FLNB: variants seen among roughly 807,000 people sequenced by gnomAD.
FLNB encodes the protein filamin-B.
FLNB carries 111 observed loss-of-function variants against 250.6 expected under a neutral mutation model. The ratio of observed to expected loss-of-function variants is 0.44; its 90% CI spans 0.38 to 0.52. FLNB has a LOEUF of 0.52. Ranked by LOEUF, FLNB falls within the 20% of genes least tolerant of loss-of-function variation. FLNB has a pLI of 0.00. For synonymous variants in FLNB, 1,302 were observed against 1,372.1 expected (o/e 0.95, Z 1.13); for missense variants, 2,869 against 3,447.8 (o/e 0.83, Z 4.20).
intron 1 of FLNB, among the ~76,000 whole-genome samples, chr3:58,065,265 C>G (rs2097183904): frequency 6.6e-6 from 1 of 152,216 alleles, no homozygotes; most frequent in African/African-American, 2.4e-5. Context: ...GGCAGAGAAG[C>G]CTGGCTTACC....
At chr3:58,070,193 G>A (rs7638392) in intron 1 of FLNB, among the ~76,000 whole-genome samples, 9,296 of 151,680 alleles carry the variant, frequency 0.061, 944 homozygotes, top group African/African-American at 0.21. Flanking sequence ...GATTACAGGC[G>A]CCTGCCATTA....
At chr3:58,100,373 A>AATATATATATATAT (rs1553696177) in intron 8 of FLNB, among the ~76,000 whole-genome samples, 1 of 104,344 alleles carries the variant, frequency 9.6e-6, no homozygotes, top group African/African-American at 4.6e-5. Flanking sequence ...GTAAAAAAAA[A>AATATATATATATAT]ATATATATAT....
intron 26 of FLNB, among the ~76,000 whole-genome samples, chr3:58,134,325 A>G (rs2097312629): frequency 1.3e-5 from 2 of 152,146 alleles, no homozygotes; most frequent in African/African-American, 2.4e-5. Context: ...TTTATCCTGA[A>G]AGCATTCCCC....
At chr3:58,150,300 C>A in intron 38 of FLNB, 73 bp downstream of exon 38, 2 of 1,560,578 alleles carry the variant, frequency 1.3e-6, no homozygotes, top group Non-Finnish European at 1.8e-6. Context: ...CTTTGGGAAC[C>A]AAGTTTAGGC....
intron 22 of FLNB, 53 bp downstream of exon 22, chr3:58,124,558 T>C (rs1325191593): frequency 6.3e-7 from 1 of 1,593,122 alleles, no homozygotes; most frequent in African/African-American, 1.3e-5. Context: ...CCCTTGGTCA[T>C]TGCCTCCTGG....
chr3:58,057,008 C>G (rs760835492), intron 1 of FLNB, among the ~76,000 whole-genome samples: 16 of 152,056 alleles, frequency 1.1e-4, no homozygotes, highest in Admixed American at 2.6e-4. Flanking sequence ...GAGGTGAGGT[C>G]TCTCTTTGTT....
At chr3:58,064,354 A>G (rs1455360250) in intron 1 of FLNB, among the ~76,000 whole-genome samples, 3 of 152,046 alleles carry the variant, frequency 2.0e-5, no homozygotes, top group Non-Finnish European at 4.4e-5. Flanking sequence ...GCTGGTCTCA[A>G]ACTCCTGAGT....
chr3:58,095,388 T>G (rs907485667), intron 5 of FLNB, among the ~76,000 whole-genome samples: 1 of 152,266 alleles, frequency 6.6e-6, no homozygotes. Flanking sequence ...CCCAAGTAAC[T>G]GGGATTACAG....
chr3:58,064,368 G>A (rs902700648), intron 1 of FLNB, among the ~76,000 whole-genome samples: 2 of 151,990 alleles, frequency 1.3e-5, no homozygotes, highest in African/African-American at 4.8e-5. Context: ...CCTGAGTTTC[G>A]CCAGGCTGGT....
At chr3:58,121,611 T>C in intron 20 of FLNB, 108 bp downstream of exon 20, 1 of 1,440,290 alleles carries the variant, frequency 6.9e-7, no homozygotes, top group Non-Finnish European at 9.7e-7. Context: ...CGTTTTGTGA[T>C]GAAAGTTAGC....
rs896267683 is a variant in FLNB at position 58,155,742 on chromosome 3, T to C, written c.6773-218T>C. Among the ~76,000 whole-genome samples, 12 of 152,308 alleles carry C rather than the reference T, an allele frequency of 7.9e-5. No individual in the cohort carries two copies. The East Asian group carries it at 1.5e-3, about 20-fold the overall frequency. Reference sequence around the variant, plus strand: ...ATCTGCTGAATTCAATACAGGCCATTTGGGGACCCTGTGAGCCCCGGTTAA... The same window carrying C: ...ATCTGCTGAATTCAATACAGGCCATCTGGGGACCCTGTGAGCCCCGGTTAA... On this transcript the variant is annotated intron_variant, in intron 40 of 45. Coordinates refer to ENST00000295956, the MANE Select transcript of FLNB (RefSeq NM_001457.4).
intron 4 of FLNB, among the ~76,000 whole-genome samples, chr3:58,086,862 C>G (rs1396725592): frequency 6.6e-6 from 1 of 152,206 alleles, no homozygotes; most frequent in Non-Finnish European, 1.5e-5. Context: ...CGCCTGTAAT[C>G]CCAGTACTTT....
chr3:58,018,982 AAAATT>A (rs2097109901), intron 1 of FLNB, among the ~76,000 whole-genome samples: 1 of 151,372 alleles, frequency 6.6e-6, no homozygotes, highest in African/African-American at 2.4e-5. Context: ...AAAAAAAAAA[AAAATT>A]ATCTGGATGC....
In FLNB at chr3:58,164,850, C is replaced by T. The variant is rs72884443; in HGVS notation, c.7198+1520C>T. 0.024 allele frequency: 3,605 copies of T among 152,734 alleles called. 146 individuals carry two copies. The highest frequency in any genetic ancestry group is 0.082 in the African/African-American group (3,422 of 41,580). 9.5% of individuals were successfully genotyped at this position (152,734 alleles called of 1,614,324 possible). On this transcript the variant is annotated intron_variant, in intron 43 of 45. Transcript: ENST00000295956. The surrounding 1 kb of genome is among the most constrained non-coding windows in gnomAD (Gnocchi z 4.0). ...CCCCAAACAACACTCCCCCAAAAAGCAGTCAGCTGGGAGGAGGCAGAACCA... is the reference window on the plus strand; with the variant it reads ...CCCCAAACAACACTCCCCCAAAAAGTAGTCAGCTGGGAGGAGGCAGAACCA...
intron 1 of FLNB, among the ~76,000 whole-genome samples, chr3:58,058,323 G>T (rs1281327579): frequency 2.0e-5 from 3 of 152,128 alleles, no homozygotes; most frequent in African/African-American, 4.8e-5. Context: ...ATAATTTGAT[G>T]TTCCAGTTGC....
At chr3:58,063,920 A>G (rs1301485815) in intron 1 of FLNB, among the ~76,000 whole-genome samples, 4 of 151,618 alleles carry the variant, frequency 2.6e-5, no homozygotes, top group Non-Finnish European at 5.9e-5. Context: ...AGGGGAAAAA[A>G]CTCCCAGGAA....
rs1559676664 is a variant in FLNB at position 58,077,310 on chromosome 3, T to C, written c.541+16T>C. On this transcript the variant is annotated intron_variant, in intron 2 of 45. Coordinates refer to ENST00000295956, the MANE Select transcript of FLNB (RefSeq NM_001457.4). ...TGTGCTCCAGGTAAGTGGCCAGGGC[T>C]GCCTAAACCATCTGTCCAGGATGGG... 1.2e-6 allele frequency: 2 copies of C among 1,613,426 alleles called. No homozygotes were observed. The highest frequency in any genetic ancestry group is 1.7e-6 in the Non-Finnish European group (2 of 1,179,708).
At chr3:58,047,676 C>CCTTA (rs2097156144) in intron 1 of FLNB, among the ~76,000 whole-genome samples, 1 of 151,830 alleles carries the variant, frequency 6.6e-6, no homozygotes, top group Non-Finnish European at 1.5e-5. Flanking sequence ...TGGGTTCAAG[C>CCTTA]GATTCTCCTG....
At position 58,090,504 on chromosome 3, in the gene FLNB, C is replaced by T. The variant is rs144091798; in HGVS notation, c.788-4332C>T. On this transcript the variant is annotated intron_variant, in intron 4 of 45. Coordinates refer to ENST00000295956, the MANE Select transcript of FLNB (RefSeq NM_001457.4). ...TCTGTGCTATATATGTTTCTATGGC[C>T]GGTAGCCCAGTGGGTTTGTTTATAC... 5.9e-5 allele frequency among the ~76,000 whole-genome samples: 9 copies of T among 152,144 alleles called. No homozygotes were observed. The East Asian group carries it at 1.4e-3, about 23-fold the overall frequency.
Sources: allele counts gnomAD v4.1 joint callset (sites outside exome capture counted in the v4.1 genomes callset), GRCh38; gene constraint gnomAD v4.1.1; non-coding constraint Gnocchi (gnomAD v3.1); transcripts MANE v1.5; gene names NCBI Gene and HGNC (gene_info 2026-07-23, HGNC 2026-07-21).